SPRED2: variants seen among roughly 807,000 people sequenced by gnomAD.
SPRED2 encodes the protein sprouty-related, EVH1 domain-containing protein 2.
SPRED2 carries 47 observed loss-of-function variants against 43.0 expected under a neutral mutation model. The ratio of observed to expected loss-of-function variants is 1.09; its 90% CI spans 0.87 to 1.40. SPRED2 has a LOEUF of 1.40. SPRED2 is among the 40% of genes most tolerant of loss of function. The pLI, the probability that SPRED2 is intolerant of heterozygous loss-of-function variation, is 0.00. For synonymous variants in SPRED2, 225 were observed against 225.7 expected, an observed-to-expected ratio of 1.00 and a Z score of 0.03; for missense variants, 561 against 586.4, an observed-to-expected ratio of 0.96 and a Z score of 0.45.
intron 3 of SPRED2, chr2:65,332,349 G>A (rs1673837923): frequency 3.8e-6 from 1 of 261,950 alleles, no homozygotes; most frequent in South Asian, 4.4e-5. Context: ...TGAGGGGAGA[G>A]GCTGCCCACT....
chr2:65,388,354 C>T (rs73936469), intron 1 of SPRED2, among the ~76,000 whole-genome samples: 8,530 of 152,244 alleles, frequency 0.056, 871 homozygotes, highest in African/African-American at 0.2. Context: ...CAACAAATGA[C>T]GGTGAGGTCA....
At chr2:65,418,840 C>T (rs1676351588) in intron 1 of SPRED2, among the ~76,000 whole-genome samples, 1 of 151,686 alleles carries the variant, frequency 6.6e-6, no homozygotes, top group Non-Finnish European at 1.5e-5. Flanking sequence ...CAGGTATGAG[C>T]CACCGCACCT....
intron 1 of SPRED2, among the ~76,000 whole-genome samples, chr2:65,366,305 A>AAAC (rs6146790): frequency 0.11 from 16,707 of 151,508 alleles, 1,356 homozygotes; most frequent in Non-Finnish European, 0.16. Flanking sequence ...TAATAATAAA[A>AAAC]AACAACAACA....
intron 1 of SPRED2, among the ~76,000 whole-genome samples, chr2:65,363,105 T>C (rs1202587847): frequency 7.0e-6 from 1 of 143,124 alleles, no homozygotes; most frequent in East Asian, 2.1e-4. Context: ...CTGGGTGTGG[T>C]GGCACATGCC....
At chr2:65,315,675 TA>T (rs1402124262) in intron 5 of SPRED2, among the ~76,000 whole-genome samples, 1 of 152,252 alleles carries the variant, frequency 6.6e-6, no homozygotes, top group Non-Finnish European at 1.5e-5. Context: ...TTTATTTATT[TA>T]TTTTTTGAGA....
At chr2:65,378,902 G>A (rs1228972485) in intron 1 of SPRED2, among the ~76,000 whole-genome samples, 1 of 152,188 alleles carries the variant, frequency 6.6e-6, no homozygotes, top group Non-Finnish European at 1.5e-5. Flanking sequence ...AGTACTCTGA[G>A]AACCTAACAT....
At chr2:65,379,298 C>T (rs1675316777) in intron 1 of SPRED2, among the ~76,000 whole-genome samples, 1 of 152,124 alleles carries the variant, frequency 6.6e-6, no homozygotes, top group South Asian at 2.1e-4. Context: ...TACAGAAAAA[C>T]TCCTGTTTTA....
intron 2 of SPRED2, among the ~76,000 whole-genome samples, chr2:65,343,939 G>T (rs995676213): frequency 6.6e-6 from 1 of 152,056 alleles, no homozygotes. Flanking sequence ...CTGAGGTCAG[G>T]AGTTCGAGAC....
intron 2 of SPRED2, among the ~76,000 whole-genome samples, chr2:65,335,732 C>CT (rs57219693): frequency 6.6e-6 from 1 of 151,778 alleles, no homozygotes; most frequent in African/African-American, 2.4e-5. Flanking sequence ...AAAATAACCC[C>CT]GTCTAGCACA....
intron 3 of SPRED2, 48 bp from the exon 4 acceptor site, chr2:65,332,099 C>T: frequency 8.2e-7 from 1 of 1,214,050 alleles, no homozygotes; most frequent in Non-Finnish European, 1.2e-6. Flanking sequence ...GAGGATACAT[C>T]AAATCCAACC....
intron 1 of SPRED2, among the ~76,000 whole-genome samples, chr2:65,387,803 CT>C (rs1181144610): frequency 4.7e-4 from 49 of 104,694 alleles, no homozygotes; most frequent in African/African-American, 5.9e-4. Context: ...TTTTCTTTTT[CT>C]TTTTTTTTTT....
At chr2:65,409,691 CAAAAAA>C (rs59225849) in intron 1 of SPRED2, among the ~76,000 whole-genome samples, 13 of 90,222 alleles carry the variant, frequency 1.4e-4, no homozygotes, top group Non-Finnish European at 1.5e-4. Flanking sequence ...CAGTTTCCTG[CAAAAAA>C]AAAAAAAAAA....
intron 1 of SPRED2, among the ~76,000 whole-genome samples, chr2:65,379,973 C>T (rs558151171): frequency 7.5e-4 from 114 of 152,196 alleles, no homozygotes; most frequent in Non-Finnish European, 1.4e-3. Context: ...TTTCCAGCTG[C>T]CCTGGCTGCT....
Position 65,432,310 on chromosome 2 carries a change from C to T in SPRED2, c.-323G>A, listed in dbSNP as rs746359392. 8 of 315,724 alleles carry T rather than the reference C, an allele frequency of 2.5e-5. No homozygotes were observed. Among genetic ancestry groups the T allele is most frequent in the Non-Finnish European group, 4.2e-5 (7 of 166,696 alleles). 19.6% of individuals were successfully genotyped at this position (315,724 alleles called of 1,614,324 possible). On this transcript the variant is annotated 5_prime_UTR_variant, in exon 1 of 6. Transcript: ENST00000356388. ...GCGGTGGGGGAGAGCAGGAGAAAAA[C>T]AAGCGCGCCTCGGAGCGGCAGGGAC...
Position 65,312,849 on chromosome 2 carries a change from AAAT to A in SPRED2, c.*649_*651del. ...TTTCAACAGATTTTGGGGGGGCAGA[AAAT>A]GATGATGGGCTAAAGATAGAAACTG... On this transcript the variant is annotated 3_prime_UTR_variant, in exon 6 of 6. Coordinates refer to ENST00000356388, the MANE Select transcript of SPRED2 (RefSeq NM_181784.3). The A allele has an allele frequency of 9.1e-6, 9 of 985,882 alleles. No homozygotes were observed. The highest frequency in any genetic ancestry group is 1.1e-5 in the Non-Finnish European group (9 of 829,950). 61.1% of individuals were successfully genotyped at this position (985,882 alleles called of 1,614,324 possible).
chr2:65,363,005 G>GTTTTTTTTTTTTTTT (rs113081105), intron 1 of SPRED2, among the ~76,000 whole-genome samples: 1 of 121,072 alleles, frequency 8.3e-6, no homozygotes, highest in Non-Finnish European at 1.7e-5. Flanking sequence ...ATCATGTTTT[G>GTTTTTTTTTTTTTTT]TTTTTTTTTT....
Position 65,312,266 on chromosome 2 carries a change from G to C in SPRED2, c.*1235C>G, listed in dbSNP as rs1673090522. The C allele has an allele frequency of 9.1e-6, 9 of 985,420 alleles. No individual in the cohort carries two copies. Among genetic ancestry groups the C allele is most frequent in the Non-Finnish European group, 1.1e-5 (9 of 829,934 alleles). 61.0% of individuals were successfully genotyped at this position (985,420 alleles called of 1,614,324 possible). ...TGGAGTTGCAGGAGAAAGACACTTA[G>C]GCATTGGAAGGGTTTTTACATATGG... On this transcript the variant is annotated 3_prime_UTR_variant, in exon 6 of 6. Transcript: ENST00000356388.
At chr2:65,321,168 T>C (rs1673398795) in intron 4 of SPRED2, among the ~76,000 whole-genome samples, 1 of 152,200 alleles carries the variant, frequency 6.6e-6, no homozygotes, top group Admixed American at 6.5e-5. Flanking sequence ...AAGGCATGAC[T>C]GCAGCATCCT....
intron 1 of SPRED2, among the ~76,000 whole-genome samples, chr2:65,377,265 T>G (rs1675262892): frequency 6.6e-6 from 1 of 152,206 alleles, no homozygotes; most frequent in Non-Finnish European, 1.5e-5. Flanking sequence ...AAGAAAATCT[T>G]GCAACTGTAA....
Sources: allele counts gnomAD v4.1 joint callset (sites outside exome capture counted in the v4.1 genomes callset), GRCh38; gene constraint gnomAD v4.1.1; transcripts MANE v1.5; gene names NCBI Gene and HGNC (gene_info 2026-07-23, HGNC 2026-07-21).